The following TSACC variants were observed in gnomAD, a reference collection of about 807,000 sequenced individuals.
TSACC encodes TSSK6-activating co-chaperone protein.
TSACC carries 3 observed loss-of-function variants against 6.9 expected under a neutral mutation model. That is an observed-to-expected ratio of 0.43 (90% confidence interval 0.20 to 1.12). The LOEUF (loss-of-function observed/expected upper bound fraction) is 1.12, where lower values mean the gene tolerates loss of function less well. Ranked by LOEUF, TSACC falls within the 50% of genes most tolerant of loss-of-function variation. The pLI is 0.28. For missense variants in TSACC, 137 were observed against 143.9 expected (o/e 0.95, Z 0.24); for synonymous variants, 54 against 55.1 (o/e 0.98, Z 0.09).
chr1:156,338,392 C>CA (rs1665565139), upstream of TSACC: 3 of 580,534 alleles, frequency 5.2e-6, no homozygotes, highest in Non-Finnish European at 9.3e-6. Flanking sequence ...CCGCCCCCTA[C>CA]GCAAGAACGG....
intron 3 of TSACC, among the ~76,000 whole-genome samples, chr1:156,345,392 G>A (rs1309059130): frequency 2.0e-5 from 3 of 149,934 alleles, no homozygotes; most frequent in East Asian, 2.0e-4. Context: ...GTGAAACCCT[G>A]TCTCTACTAA....
At chr1:156,338,094 A>T, upstream of TSACC, 1 of 1,552,484 alleles carries the variant, frequency 6.4e-7, no homozygotes, top group Non-Finnish European at 8.7e-7. Context: ...GGCAACACTG[A>T]AAAGTATGGA....
Position 156,346,835 on chromosome 1 carries a change from C to T in TSACC, c.231C>T (p.Thr77=), listed in dbSNP as rs1557784199. Reference sequence around the variant, plus strand: ...TGTATGCAAACCTCCAGCTTCAGACCCAGCTCGCCCAACAACAGATGGCTG... The same window carrying T: ...TGTATGCAAACCTCCAGCTTCAGACTCAGCTCGCCCAACAACAGATGGCTG... ...ECMYANLQLQ[T]QLAQQQMAVL... is the part of the protein sequence containing the mutation. Residue 77 remains threonine, a synonymous_variant, in exon 4 of 4, where the codon ACC becomes ACT. Transcript: ENST00000368254. The T allele has an allele frequency of 6.2e-7, 1 of 1,614,136 alleles. No individual in the cohort carries two copies. Among genetic ancestry groups the T allele is most frequent in the Middle Eastern group, 1.6e-4 (1 of 6,062 alleles).
intron 2 of TSACC, among the ~76,000 whole-genome samples, chr1:156,343,627 G>T (rs954697119): frequency 1.3e-5 from 2 of 152,196 alleles, no homozygotes; most frequent in African/African-American, 2.4e-5. Flanking sequence ...GTTGCCAAGG[G>T]GGATGGGAAT....
At chr1:156,337,792 G>GAAA (rs58684067), upstream of TSACC, 1,509 of 280,256 alleles carry the variant, frequency 5.4e-3, no homozygotes, top group Non-Finnish European at 6.8e-3. Context: ...AGACCTAACT[G>GAAA]AAAAAAAAAC....
At chr1:156,337,727 C>A (rs1291193160), upstream of TSACC, 1 of 202,402 alleles carries the variant, frequency 4.9e-6, no homozygotes, top group Non-Finnish European at 1.0e-5. Flanking sequence ...CTCCGTAATA[C>A]AGATTGAAAC....
At chr1:156,339,597 G>T in intron 1 of TSACC, 37 bp from the exon 2 acceptor site, 1 of 758,620 alleles carries the variant, frequency 1.3e-6, no homozygotes, top group Non-Finnish European at 2.1e-6. Flanking sequence ...TCACCTGTTT[G>T]GCCATGAAAT....
At chr1:156,337,864 G>A (rs897028972), upstream of TSACC, 2 of 496,204 alleles carry the variant, frequency 4.0e-6, no homozygotes, top group Non-Finnish European at 7.2e-6. Flanking sequence ...GCGCAGGGGC[G>A]GGGGAAGCGT....
At chr1:156,345,875 A>AAG (rs1666144193) in intron 3 of TSACC, among the ~76,000 whole-genome samples, 1 of 151,410 alleles carries the variant, frequency 6.6e-6, no homozygotes, top group Admixed American at 6.6e-5. Flanking sequence ...GAAAAAAAAA[A>AAG]AAAGAAAAAA....
chr1:156,343,658 G>A (rs1020252710), intron 2 of TSACC, among the ~76,000 whole-genome samples: 5 of 152,142 alleles, frequency 3.3e-5, no homozygotes, highest in Non-Finnish European at 7.4e-5. Flanking sequence ...GCCTGTATTG[G>A]GTCACAGGCC....
At chr1:156,340,112 T>A (rs1353840016) in intron 2 of TSACC, among the ~76,000 whole-genome samples, 1 of 152,206 alleles carries the variant, frequency 6.6e-6, no homozygotes, top group Admixed American at 6.5e-5. Flanking sequence ...CCACTTAACT[T>A]TAGCTGGATC....
chr1:156,341,775 C>T (rs1006500742), intron 2 of TSACC, among the ~76,000 whole-genome samples: 19 of 151,962 alleles, frequency 1.3e-4, no homozygotes, highest in Admixed American at 2.6e-4. Flanking sequence ...GTATAAAATG[C>T]ATTCTTGGCC....
At chr1:156,345,831 C>T (rs1167405220) in intron 3 of TSACC, among the ~76,000 whole-genome samples, 1 of 145,500 alleles carries the variant, frequency 6.9e-6, no homozygotes. Flanking sequence ...TGTGCCGCTG[C>T]ACTGCATCCT....
chr1:156,342,083 GAAAA>G (rs368367752), intron 2 of TSACC, among the ~76,000 whole-genome samples: 3 of 146,666 alleles, frequency 2.0e-5, no homozygotes, highest in Non-Finnish European at 4.5e-5. Context: ...AAAAAAGAAA[GAAAA>G]AAAAATGCAT....
At chr1:156,346,384 G>C (rs1361755139) in intron 3 of TSACC, among the ~76,000 whole-genome samples, 1 of 152,038 alleles carries the variant, frequency 6.6e-6, no homozygotes, top group Non-Finnish European at 1.5e-5. Flanking sequence ...TCAAATATTT[G>C]TTATATGCTG....
chr1:156,344,643 T>C lies in TSACC; in HGVS notation c.98T>C (p.Ile33Thr). ...AGAGCAAAACCCTCCCCCAGCTATA[T>C]TAATCTTCAAGCAAGTTCCCCACCA... ...LCRAKPSPSY[I>T]NLQASSPPAT... Residue 33 changes from isoleucine (I) to threonine (T), a missense_variant, in exon 3 of 4, where the codon ATT becomes ACT. Coordinates refer to ENST00000368254, the MANE Select transcript of TSACC (RefSeq NM_001304817.2). The C allele has an allele frequency of 6.2e-7, 1 of 1,614,084 alleles. No individual in the cohort carries two copies.
chr1:156,340,570 T>G (rs867339257), intron 2 of TSACC, among the ~76,000 whole-genome samples: 6 of 150,020 alleles, frequency 4.0e-5, no homozygotes, highest in African/African-American at 1.2e-4. Flanking sequence ...CAAGCAATTC[T>G]CCTGCCTCAG....
At chr1:156,340,636 T>G (rs989383681) in intron 2 of TSACC, among the ~76,000 whole-genome samples, 3 of 151,786 alleles carry the variant, frequency 2.0e-5, no homozygotes, top group Non-Finnish European at 4.4e-5. Flanking sequence ...TAATTTTGTA[T>G]TTTTAGTAGA....
intron 3 of TSACC, among the ~76,000 whole-genome samples, chr1:156,346,457 T>C (rs1292753426): frequency 1.3e-5 from 2 of 152,314 alleles, no homozygotes. Flanking sequence ...CTTGCCTTCC[T>C]GGAGCTTACG....
Sources: allele counts gnomAD v4.1 joint callset (sites outside exome capture counted in the v4.1 genomes callset), GRCh38; gene constraint gnomAD v4.1.1; transcripts MANE v1.5; gene names NCBI Gene and HGNC (gene_info 2026-07-23, HGNC 2026-07-21).